RIGI: variants seen among roughly 807,000 people sequenced by gnomAD.
RIGI encodes antiviral innate immune response receptor RIG-I.
the RIGI span, among the ~76,000 whole-genome samples, chr9:32,504,042 C>CACACACACACACACACAT: frequency 6.9e-6 from 1 of 145,030 alleles, no homozygotes; most frequent in Non-Finnish European, 1.5e-5. Flanking sequence ...ACTCCAAACA[C>CACACACACACACACACAT]ACACACACAC....
chr9:32,488,714 G>A, the RIGI span: 1 of 1,532,942 alleles, frequency 6.5e-7, no homozygotes, highest in Non-Finnish European at 8.8e-7. Flanking sequence ...AAAAGAAGTT[G>A]AAGCAACTAT....
chr9:32,520,811 G>C, the RIGI span, among the ~76,000 whole-genome samples: 1 of 150,080 alleles, frequency 6.7e-6, no homozygotes, highest in Non-Finnish European at 1.5e-5. Flanking sequence ...AAAGATGGCT[G>C]GGTGTGGTGG....
At chr9:32,520,279 A>T in the RIGI span, among the ~76,000 whole-genome samples, 1 of 152,070 alleles carries the variant, frequency 6.6e-6, no homozygotes, top group Non-Finnish European at 1.5e-5. Flanking sequence ...AATACAATGG[A>T]TTGTATAATG....
At chr9:32,495,409 G>A in the RIGI span, among the ~76,000 whole-genome samples, 1 of 151,996 alleles carries the variant, frequency 6.6e-6, no homozygotes, top group African/African-American at 2.4e-5. Flanking sequence ...CACCATCTTG[G>A]CCAGGCTGGT....
the RIGI span, among the ~76,000 whole-genome samples, chr9:32,473,951 C>T: frequency 3.3e-5 from 5 of 152,104 alleles, no homozygotes; most frequent in Non-Finnish European, 5.9e-5. Context: ...TCGCTTGAAC[C>T]GGGGAGGCAT....
At chr9:32,492,520 T>G in the RIGI span, 5 of 1,614,168 alleles carry the variant, frequency 3.1e-6, no homozygotes, top group Non-Finnish European at 4.2e-6. Context: ...CCTGCCATCA[T>G]CCCCTTAGTA....
the RIGI span, among the ~76,000 whole-genome samples, chr9:32,469,513 A>G: frequency 6.6e-6 from 1 of 152,168 alleles, no homozygotes; most frequent in African/African-American, 2.4e-5. Context: ...AGGATTCAGG[A>G]TTGCAATTGT....
chr9:32,489,790 C>T, the RIGI span, among the ~76,000 whole-genome samples: 10 of 152,138 alleles, frequency 6.6e-5, no homozygotes, highest in Non-Finnish European at 1.2e-4. Context: ...AAAAAAGCAA[C>T]AAATCCTCCC....
At chr9:32,504,876 A>AATACATAAAATATATAATATATATTTG in the RIGI span, among the ~76,000 whole-genome samples, 440 of 139,028 alleles carry the variant, frequency 3.2e-3, 5 homozygotes, top group African/African-American at 0.011. Flanking sequence ...AAATATATTT[A>AATACATAAAATATATAATATATATTTG]ATACATAAAA....
At chr9:32,461,462 G>A in the RIGI span, among the ~76,000 whole-genome samples, 50 of 152,270 alleles carry the variant, frequency 3.3e-4, no homozygotes, top group African/African-American at 1.2e-3. Flanking sequence ...ATGCTTTCAC[G>A]TGTCCCAGGT....
the RIGI span, chr9:32,487,662 G>A: frequency 6.2e-7 from 1 of 1,606,232 alleles, no homozygotes; most frequent in Non-Finnish European, 8.5e-7. Flanking sequence ...ATCATTAGAT[G>A]TCTGAGAAAT....
chr9:32,469,090 T>C, the RIGI span, among the ~76,000 whole-genome samples: 5 of 152,242 alleles, frequency 3.3e-5, no homozygotes, highest in African/African-American at 1.2e-4. Flanking sequence ...CCCCCTGTGA[T>C]GACAGAGCCA....
At chr9:32,489,158 T>A in the RIGI span, among the ~76,000 whole-genome samples, 1 of 152,110 alleles carries the variant, frequency 6.6e-6, no homozygotes, top group African/African-American at 2.4e-5. Context: ...ATTAAATACA[T>A]TAATGTACAT....
At chr9:32,495,659 CTTT>C in the RIGI span, among the ~76,000 whole-genome samples, 6 of 120,752 alleles carry the variant, frequency 5.0e-5, no homozygotes, top group Admixed American at 1.8e-4. Context: ...AGTCCTTTGC[CTTT>C]TTTTTTTTTT....
the RIGI span, chr9:32,459,387 T>C: frequency 6.2e-7 from 1 of 1,613,672 alleles, no homozygotes; most frequent in Non-Finnish European, 8.5e-7. Context: ...CACTCTTACG[T>C]CAGCTGTGTA....
the RIGI span, among the ~76,000 whole-genome samples, chr9:32,468,375 C>T: frequency 4.6e-5 from 7 of 152,164 alleles, no homozygotes; most frequent in South Asian, 2.1e-4. Context: ...CCTTAACAAA[C>T]GAGGGTCGTG....
At chr9:32,524,596 G>GTTTTTTT in the RIGI span, among the ~76,000 whole-genome samples, 3,632 of 67,378 alleles carry the variant, frequency 0.054, 512 homozygotes, top group Non-Finnish European at 0.063. Context: ...TTGTTTTTCG[G>GTTTTTTT]TTTTTTTTTT....
the RIGI span, among the ~76,000 whole-genome samples, chr9:32,502,481 A>C: frequency 4.6e-5 from 7 of 152,254 alleles, no homozygotes; most frequent in Non-Finnish European, 1.0e-4. Context: ...CAGTAATCTA[A>C]GAGGATTCCA....
chr9:32,492,577 A>C, the RIGI span: 2 of 1,609,400 alleles, frequency 1.2e-6, no homozygotes, highest in Non-Finnish European at 1.7e-6. Flanking sequence ...CAATTATCTC[A>C]AAAGTTTTCC....
Sources: gnomAD v4.1 joint callset for allele counts (sites outside exome capture counted in the v4.1 genomes callset) on GRCh38, gnomAD v4.1.1 for gene constraint, MANE v1.5 for transcripts, NCBI Gene and HGNC (gene_info 2026-07-23, HGNC 2026-07-21) for gene names.